Variants in MS4A3 observed in about 807,000 individuals in gnomAD.
MS4A3 encodes membrane-spanning 4-domains subfamily A member 3.
In MS4A3, 18 loss-of-function variants were observed where a neutral mutation model predicts 24.7. The observed-to-expected ratio is 0.73, with a 90% CI of 0.50 to 1.08. The LOEUF (loss-of-function observed/expected upper bound fraction) is 1.08, where lower values mean the gene tolerates loss of function less well. MS4A3 is among the 50% of genes least tolerant of loss of function. MS4A3 has a pLI of 0.00. For synonymous variants in MS4A3, 84 were observed against 95.3 expected, an observed-to-expected ratio of 0.88 and a Z score of 0.69; for missense variants, 282 against 251.7, an observed-to-expected ratio of 1.12 and a Z score of -0.82.
At chr11:60,061,345 T>A in intron 2 of MS4A3, 29 bp downstream of exon 2, 2 of 1,581,568 alleles carry the variant, frequency 1.3e-6, no homozygotes, top group South Asian at 2.3e-5. Flanking sequence ...AAACACTGAT[T>A]TAAGAGGGAA....
chr11:60,066,836 A>G (rs1412249274), intron 4 of MS4A3, 115 bp from the exon 5 acceptor site: 2 of 752,798 alleles, frequency 2.7e-6, no homozygotes, highest in Non-Finnish European at 4.0e-6. Context: ...CCTCGCATCT[A>G]GGATATCAGT....
intron 1 of MS4A3, among the ~76,000 whole-genome samples, chr11:60,057,427 CAG>C (rs1342263272): frequency 7.3e-5 from 11 of 151,644 alleles, no homozygotes; most frequent in Non-Finnish European, 1.2e-4. Context: ...GAGAGAGAGA[CAG>C]AGTCTCGCTC....
intron 1 of MS4A3, among the ~76,000 whole-genome samples, chr11:60,058,439 G>A (rs1298599): frequency 4.1e-5 from 6 of 146,168 alleles, no homozygotes; most frequent in African/African-American, 1.0e-4. Context: ...CCCAGGAGGC[G>A]GAGGTTGCAG....
intron 2 of MS4A3, among the ~76,000 whole-genome samples, chr11:60,061,916 C>T (rs1210408358): frequency 1.3e-5 from 2 of 152,192 alleles, no homozygotes; most frequent in Non-Finnish European, 2.9e-5. Context: ...AATGCAAAGG[C>T]ATTTTCTCAT....
chr11:60,061,388 G>A (rs1297873424), intron 2 of MS4A3, 72 bp downstream of exon 2: 1 of 1,517,322 alleles, frequency 6.6e-7, no homozygotes, highest in Non-Finnish European at 8.9e-7. Flanking sequence ...TGAATAACGT[G>A]CGTTTGAACT....
At chr11:60,066,387 A>G (rs750381810) in intron 4 of MS4A3, among the ~76,000 whole-genome samples, 1 of 152,204 alleles carries the variant, frequency 6.6e-6, no homozygotes, top group African/African-American at 2.4e-5. Context: ...AGAGTTAGAA[A>G]CAAGTTCCTT....
chr11:60,062,536 A>C lies in MS4A3; in HGVS notation c.225A>C (p.Pro75=), dbSNP rs778760214. 1.2e-6 allele frequency: 2 copies of C among 1,614,162 alleles called. No individual in the cohort carries two copies. The highest frequency in any genetic ancestry group is 1.7e-6 in the Non-Finnish European group (2 of 1,180,016). ...TCTTTCTGGGTTCCTTGCAATACCC[A>C]TACCACTTCCAAAAGCACTTCTTTT... ...LGVFLGSLQY[P]YHFQKHFFFF... The change falls in exon 3 of 7, where the codon CCA becomes CCC. Residue 75 remains proline (P), a synonymous_variant. Transcript: ENST00000278865.
intron 3 of MS4A3, 121 bp from the exon 4 acceptor site, chr11:60,064,141 T>A: frequency 2.0e-6 from 1 of 501,790 alleles, no homozygotes. Flanking sequence ...TCCTAGGATG[T>A]GAATTTAAAA....
intron 2 of MS4A3, chr11:60,061,521 A>C (rs1451181492): frequency 1.5e-6 from 1 of 668,292 alleles, no homozygotes; most frequent in Non-Finnish European, 2.7e-6. Flanking sequence ...GAGGATGAAG[A>C]CCTTTATGAT....
chr11:60,067,406 G>A (rs1855382514), intron 5 of MS4A3, among the ~76,000 whole-genome samples: 1 of 151,788 alleles, frequency 6.6e-6, no homozygotes, highest in African/African-American at 2.4e-5. Context: ...TAGTAGAGAC[G>A]GGGTTTTACC....
At chr11:60,058,799 AT>A (rs1174716951) in intron 1 of MS4A3, among the ~76,000 whole-genome samples, 2 of 152,188 alleles carry the variant, frequency 1.3e-5, no homozygotes, top group Non-Finnish European at 2.9e-5. Context: ...TTCATTAGAT[AT>A]TTAATCCAAA....
rs542221990 is a variant in MS4A3, at chr11:60,059,359, CAA to C, written c.-15-1785_-15-1784del. 2.9e-3 allele frequency among the ~76,000 whole-genome samples: 448 copies of C among 152,038 alleles called. 3 individuals are homozygous for C. The highest frequency in any genetic ancestry group is 7.1e-3 in the South Asian group (34 of 4,818). Reference sequence around the variant, plus strand: ...AATGGATCTAGTATATAATTTGTAACAAAGAGTAGAAATTAAGATACTATACT... The same window carrying C: ...AATGGATCTAGTATATAATTTGTAACAGAGTAGAAATTAAGATACTATACT... On this transcript the variant is annotated intron_variant, in intron 1 of 6. Transcript: ENST00000278865.
At chr11:60,067,432 G>T (rs1855382889) in intron 5 of MS4A3, among the ~76,000 whole-genome samples, 1 of 151,796 alleles carries the variant, frequency 6.6e-6, no homozygotes, top group South Asian at 2.1e-4. Context: ...AACCAGGATG[G>T]TCTTGATCTC....
intron 4 of MS4A3, 133 bp downstream of exon 4, chr11:60,064,451 T>C: frequency 4.0e-6 from 2 of 498,702 alleles, no homozygotes; most frequent in Non-Finnish European, 6.5e-6. Context: ...TTAGTTTTCT[T>C]AACGTGTTCA....
Position 60,070,471 on chromosome 11 carries a change from C to T in MS4A3, c.*238C>T. The T allele has an allele frequency of 2.2e-6, 1 of 446,318 alleles. No individual in the cohort carries two copies. The highest frequency in any genetic ancestry group is 4.0e-6 in the Non-Finnish European group (1 of 252,994). The allele number at this position is 446,318 out of a possible 1,614,324, so 27.6% of individuals were successfully genotyped here. A position where few individuals can be genotyped will look rare whatever the true frequency, so the allele number is the denominator to read the frequency against. On this transcript the variant is annotated 3_prime_UTR_variant, in exon 7 of 7. Coordinates refer to ENST00000278865, the MANE Select transcript of MS4A3 (RefSeq NM_006138.5). ...GGACAGATATATTTCTTTAGGCATT[C>T]TTGGATATCTGTAACTTCTATGATC...
At chr11:60,067,969 T>C (rs984419605) in intron 5 of MS4A3, among the ~76,000 whole-genome samples, 1 of 151,774 alleles carries the variant, frequency 6.6e-6, no homozygotes, top group Non-Finnish European at 1.5e-5. Context: ...GGAGAATCAC[T>C]TGAACCCGGG....
At chr11:60,065,347 C>G (rs546638596) in intron 4 of MS4A3, among the ~76,000 whole-genome samples, 22 of 152,062 alleles carry the variant, frequency 1.4e-4, no homozygotes, top group African/African-American at 4.3e-4. Flanking sequence ...TTACCTTGCC[C>G]CATCTCTAAT....
chr11:60,067,862 A>G (rs1855394179), intron 5 of MS4A3, among the ~76,000 whole-genome samples: 1 of 151,462 alleles, frequency 6.6e-6, no homozygotes, highest in Non-Finnish European at 1.5e-5. Flanking sequence ...CCTGGCCAAC[A>G]TGGTGAAACC....
At chr11:60,061,597 A>C in intron 2 of MS4A3, 1 of 436,260 alleles carries the variant, frequency 2.3e-6, no homozygotes. Context: ...TAACGTTTTT[A>C]GTTTCTCTAG....
Sources: gnomAD v4.1 joint callset for allele counts (sites outside exome capture counted in the v4.1 genomes callset) on GRCh38, gnomAD v4.1.1 for gene constraint, MANE v1.5 for transcripts, NCBI Gene and HGNC (gene_info 2026-07-23, HGNC 2026-07-21) for gene names.